The following PTPRD variants were observed in gnomAD, a reference collection of about 807,000 sequenced individuals.
The protein encoded by PTPRD is receptor-type tyrosine-protein phosphatase delta.
A neutral mutation model predicts 214.5 loss-of-function variants in PTPRD; 34 were observed. That is an observed-to-expected ratio of 0.16 (90% CI 0.12 to 0.21). The LOEUF is 0.21. Among genes scored for constraint, PTPRD ranks in the 10% least tolerant of loss-of-function variants. PTPRD has a pLI of 1.00. For synonymous variants in PTPRD, 1,128 were observed against 845.7 expected, an observed-to-expected ratio of 1.33 and a Z score of -5.79; for missense variants, 2,545 against 2,398.7, an observed-to-expected ratio of 1.06 and a Z score of -1.27.
chr9:10,513,827 G>A (rs940347846), intron 2 of PTPRD, among the ~76,000 whole-genome samples: 5 of 152,116 alleles, frequency 3.3e-5, no homozygotes, highest in African/African-American at 1.2e-4. Context: ...ACTGATCACT[G>A]GGGATTCTTT....
At chr9:8,692,893 A>T (rs1451327551) in intron 12 of PTPRD, among the ~76,000 whole-genome samples, 1 of 152,192 alleles carries the variant, frequency 6.6e-6, no homozygotes, top group Non-Finnish European at 1.5e-5. Flanking sequence ...TCAAAACATC[A>T]ATGTTTGGCA....
At chr9:8,751,386 G>C (rs994946180) in intron 11 of PTPRD, among the ~76,000 whole-genome samples, 1 of 149,942 alleles carries the variant, frequency 6.7e-6, no homozygotes. Context: ...TTCCGGAAAG[G>C]CTTTCTACAC....
At chr9:10,118,977 A>C (rs1303479283) in intron 3 of PTPRD, among the ~76,000 whole-genome samples, 2 of 151,634 alleles carry the variant, frequency 1.3e-5, no homozygotes, top group Non-Finnish European at 3.0e-5. Context: ...GCTGTCTTTA[A>C]TAATTTGAAT....
chr9:10,592,727 C>T (rs2075760439), intron 2 of PTPRD, among the ~76,000 whole-genome samples: 1 of 151,908 alleles, frequency 6.6e-6, no homozygotes, highest in African/African-American at 2.4e-5. Context: ...CGCTTTGTAG[C>T]TAGCAAGAAG....
At chr9:8,473,362 C>CT (rs2096696917) in intron 30 of PTPRD, among the ~76,000 whole-genome samples, 1 of 152,140 alleles carries the variant, frequency 6.6e-6, no homozygotes, top group Non-Finnish European at 1.5e-5. Context: ...AAGCTTCCCC[C>CT]TCTCCTGTCC....
intron 10 of PTPRD, among the ~76,000 whole-genome samples, chr9:9,142,851 G>C (rs772611245): frequency 6.6e-6 from 1 of 151,968 alleles, no homozygotes; most frequent in Non-Finnish European, 1.5e-5. Flanking sequence ...CTGTGTCCTG[G>C]AAGATTAATC....
chr9:9,726,192 C>T (rs2098087513), intron 7 of PTPRD, among the ~76,000 whole-genome samples: 1 of 152,154 alleles, frequency 6.6e-6, no homozygotes, highest in African/African-American at 2.4e-5. Context: ...CTCAGAACCT[C>T]CTCGGTTAAC....
intron 2 of PTPRD, among the ~76,000 whole-genome samples, chr9:10,477,010 A>G (rs2099067208): frequency 6.6e-6 from 1 of 152,200 alleles, no homozygotes; most frequent in African/African-American, 2.4e-5. Context: ...TAAATGTAAG[A>G]TCTAAAACCT....
rs1464673263 is a variant in PTPRD, at chr9:8,948,440, C to CAT, written c.-104+70255_-104+70256dup. ...ATATATATATTTATATATATATTTA[C>CAT]ATATATATATATTTATATATATATT... On this transcript the variant is annotated intron_variant, in intron 11 of 45. Transcript: ENST00000381196. 1.5e-3 allele frequency among the ~76,000 whole-genome samples: 9 copies of CAT among 6,184 alleles called. 3 individuals carry two copies. In the Admixed American group the frequency reaches 0.016, roughly 11 times the overall value. The allele number at this position is 6,184 out of a possible 152,430, so 4.1% of individuals were successfully genotyped here.
At chr9:10,008,644 T>G (rs528556764) in intron 4 of PTPRD, among the ~76,000 whole-genome samples, 1 of 151,882 alleles carries the variant, frequency 6.6e-6, no homozygotes, top group African/African-American at 2.4e-5. Flanking sequence ...CATCCTTCCT[T>G]ATTTCAAGTG....
chr9:9,867,797 C>T (rs1259406587), intron 5 of PTPRD, among the ~76,000 whole-genome samples: 1 of 152,108 alleles, frequency 6.6e-6, no homozygotes, highest in African/African-American at 2.4e-5. Flanking sequence ...GAACTTCCTC[C>T]TCCATGGTAT....
At chr9:10,290,343 T>C (rs1016564112) in intron 3 of PTPRD, among the ~76,000 whole-genome samples, 5 of 152,170 alleles carry the variant, frequency 3.3e-5, no homozygotes, top group South Asian at 4.1e-4. Flanking sequence ...TCTTTTACTC[T>C]TTTTCATACT....
intron 4 of PTPRD, among the ~76,000 whole-genome samples, chr9:9,984,048 A>G (rs2095628758): frequency 1.3e-5 from 2 of 152,180 alleles, no homozygotes; most frequent in African/African-American, 4.8e-5. Flanking sequence ...CAGTGATTGG[A>G]AAAATGACTT....
chr9:8,795,912 CA>C (rs942010923), intron 11 of PTPRD, among the ~76,000 whole-genome samples: 5 of 149,692 alleles, frequency 3.3e-5, no homozygotes, highest in Admixed American at 1.3e-4. Context: ...GTCGCATGTT[CA>C]AAAAAAAAGA....
chr9:9,595,313 ATATATATTTTATATATATAATATATATTG>A (rs770537270), intron 7 of PTPRD, among the ~76,000 whole-genome samples: 39,578 of 141,238 alleles, frequency 0.28, 6,858 homozygotes, highest in Non-Finnish European at 0.39. Context: ...TATATATATT[ATATATATTTTATATATATAATATATATTG>A]TATATTCATC....
intron 11 of PTPRD, among the ~76,000 whole-genome samples, chr9:8,919,935 T>C (rs989753377): frequency 7.6e-6 from 1 of 131,374 alleles, no homozygotes; most frequent in Non-Finnish European, 1.8e-5. Flanking sequence ...TGCATGCATG[T>C]ATGCATGTAC....
chr9:10,250,863 T>A (rs1232662533), intron 3 of PTPRD, among the ~76,000 whole-genome samples: 1 of 151,874 alleles, frequency 6.6e-6, no homozygotes, highest in East Asian at 1.9e-4. Context: ...TAAATAGGTA[T>A]AAATATATAT....
intron 11 of PTPRD, among the ~76,000 whole-genome samples, chr9:8,914,989 A>C (rs960514419): frequency 6.6e-6 from 1 of 152,190 alleles, no homozygotes; most frequent in Non-Finnish European, 1.5e-5. Flanking sequence ...AAATCACAAA[A>C]CATGTGCCAG....
intron 11 of PTPRD, among the ~76,000 whole-genome samples, chr9:8,919,905 T>C (rs923869188): frequency 1.3e-5 from 2 of 152,042 alleles, no homozygotes; most frequent in Non-Finnish European, 1.5e-5. Context: ...TACATGCATG[T>C]ATGCATAAGT....
Sources: gnomAD v4.1 joint callset for allele counts (sites outside exome capture counted in the v4.1 genomes callset) on GRCh38, gnomAD v4.1.1 for gene constraint, MANE v1.5 for transcripts, NCBI Gene and HGNC (gene_info 2026-07-23, HGNC 2026-07-21) for gene names.